The following KLK2 variants were observed in gnomAD, a reference collection of about 807,000 sequenced individuals.
The protein encoded by KLK2 is kallikrein-2.
In KLK2, 17 loss-of-function variants were observed where a neutral mutation model predicts 23.0. The ratio of observed to expected loss-of-function variants is 0.74; its 90% CI spans 0.51 to 1.11. The LOEUF (loss-of-function observed/expected upper bound fraction) is 1.11. KLK2 is among the 50% of genes least tolerant of loss of function. KLK2 has a pLI of 0.00. For missense variants in KLK2, 330 were observed against 325.9 expected (o/e 1.01, Z -0.10); for synonymous variants, 140 against 124.7 (o/e 1.12, Z -0.82).
At chr19:50,875,328 C>T (rs183666273) in intron 2 of KLK2, among the ~76,000 whole-genome samples, 11 of 152,250 alleles carry the variant, frequency 7.2e-5, no homozygotes, top group Admixed American at 5.9e-4. Context: ...GGGTGGGGAG[C>T]ACCCAGAAAA....
intron 1 of KLK2, 124 bp downstream of exon 1, chr19:50,873,643 T>C: frequency 1.5e-6 from 1 of 670,214 alleles, no homozygotes; most frequent in Non-Finnish European, 2.6e-6. Flanking sequence ...AATGTGCCCC[T>C]GACTCTTCCA....
rs1020860574 is a variant in KLK2 at position 50,879,627 on chromosome 19, G to A, written c.*1068G>A. 4 of 230,422 alleles carry A rather than the reference G, an allele frequency of 1.7e-5. No homozygotes were observed. Among genetic ancestry groups the A allele is most frequent in the African/African-American group, 4.4e-5 (2 of 45,164 alleles). 14.3% of individuals were successfully genotyped at this position (230,422 alleles called of 1,614,324 possible). A position where few individuals can be genotyped will look rare whatever the true frequency, so the allele number is the denominator to read the frequency against. ...GGTTTTTACTGGGGGTCTGTAGGAC[G>A]AGTATGGAGTACTTGAATAATTGAC... On this transcript the variant is annotated 3_prime_UTR_variant, in exon 5 of 5. Transcript: ENST00000325321.
chr19:50,876,137 C>T (rs1401606782), intron 2 of KLK2: 7 of 313,658 alleles, frequency 2.2e-5, no homozygotes, highest in South Asian at 5.1e-5. Context: ...GTTCTTTCTC[C>T]CTTCCTCTTC....
intron 4 of KLK2, 102 bp downstream of exon 4, chr19:50,877,110 C>T: frequency 2.0e-6 from 3 of 1,499,964 alleles, no homozygotes; most frequent in Non-Finnish European, 2.8e-6. Flanking sequence ...CTCCCCTGCT[C>T]CCCAGCTATA....
rs147719952 is a variant in KLK2 at position 50,876,544 on chromosome 19, C to T, written c.279C>T (p.Ser93=). The change falls in exon 3 of 5, where the codon AGC becomes AGT. Residue 93 remains serine, a synonymous_variant. Coordinates refer to ENST00000325321, the MANE Select transcript of KLK2 (RefSeq NM_005551.5). ...PEDTGQRVPV[S]HSFPHPLYNM... is the part of the protein sequence containing the mutation. ...ACACAGGCCAGAGGGTCCCTGTCAG[C>T]CACAGCTTCCCACACCCGCTCTACA... is the stretch of plus-strand genomic sequence containing the variant. 11 of 1,614,066 alleles carry T rather than the reference C, an allele frequency of 6.8e-6. No homozygotes were observed. In the African/African-American group the frequency reaches 9.3e-5, roughly 14 times the overall value.
chr19:50,879,663 C>A lies in KLK2; in HGVS notation c.*1104C>A. 1 of 230,542 alleles carries A rather than the reference C, an allele frequency of 4.3e-6. No homozygotes were observed. The highest frequency in any genetic ancestry group is 8.6e-6 in the Non-Finnish European group (1 of 116,342). 14.3% of individuals were successfully genotyped at this position (230,542 alleles called of 1,614,324 possible). A position where few individuals can be genotyped will look rare whatever the true frequency, so the allele number is the denominator to read the frequency against. Reference sequence around the variant, plus strand: ...ACTTGAATAATTGACCTGAAGTCCTCAGACCTGAGGTTCCCTAGAGTTCAA... The same window carrying A: ...ACTTGAATAATTGACCTGAAGTCCTAAGACCTGAGGTTCCCTAGAGTTCAA... On this transcript the variant is annotated 3_prime_UTR_variant, in exon 5 of 5. Coordinates refer to ENST00000325321, the MANE Select transcript of KLK2 (RefSeq NM_005551.5).
Position 50,878,802 on chromosome 19 carries a change from A to G in KLK2, c.*243A>G. ...GGTATAATTTCGTCCTCTCCTTCGG[A>G]ACACTGGCTGTCTCTGAAGACTTCT... On this transcript the variant is annotated 3_prime_UTR_variant, in exon 5 of 5. Transcript: ENST00000325321. The G allele has an allele frequency of 2.4e-6, 1 of 411,624 alleles. No individual in the cohort carries two copies. The highest frequency in any genetic ancestry group is 4.4e-6 in the Non-Finnish European group (1 of 226,892). 25.5% of individuals were successfully genotyped at this position (411,624 alleles called of 1,614,324 possible).
rs896673208 is a variant in KLK2 at position 50,880,083 on chromosome 19, T to A, written c.*1524T>A. 4.4e-6 allele frequency: 1 copy of A among 229,130 alleles called. No homozygotes were observed. The highest frequency in any genetic ancestry group is 2.2e-5 in the African/African-American group (1 of 45,090). The allele number at this position is 229,130 out of a possible 1,614,324, so 14.2% of individuals were successfully genotyped here. A position where few individuals can be genotyped will look rare whatever the true frequency, so the allele number is the denominator to read the frequency against. On this transcript the variant is annotated 3_prime_UTR_variant, in exon 5 of 5. Transcript: ENST00000325321. ...GCCCAAAGAGCATTCAATCATTGTT[T>A]TATTTGCCTTCTTTTCACACCATTG... is the stretch of plus-strand genomic sequence containing the variant.
chr19:50,874,917 G>T (rs750540080), intron 2 of KLK2, 37 bp downstream of exon 2: 1 of 1,602,512 alleles, frequency 6.2e-7, no homozygotes, highest in South Asian at 1.1e-5. Flanking sequence ...GGGAATGGCT[G>T]TGTCCCACAG....
In KLK2 at chr19:50,878,640, A is replaced by G; in HGVS notation, c.*81A>G. 7.1e-7 allele frequency: 1 copy of G among 1,405,882 alleles called. No individual in the cohort carries two copies. The highest frequency in any genetic ancestry group is 1.3e-5 in the South Asian group (1 of 77,746). 87.1% of individuals were successfully genotyped at this position (1,405,882 alleles called of 1,614,324 possible). ...ATCACTTGGCCTTTCTGGATGCTGG[A>G]CACCTGAAGCTTGGAACTCACCTGG... On this transcript the variant is annotated 3_prime_UTR_variant, in exon 5 of 5. Transcript: ENST00000325321.
rs1403474201 is a variant in KLK2, at chr19:50,878,563, C to T, written c.*4C>T. 1 of 1,610,910 alleles carries T rather than the reference C, an allele frequency of 6.2e-7. No individual in the cohort carries two copies. The highest frequency in any genetic ancestry group is 1.7e-5 in the Admixed American group (1 of 59,876). On this transcript the variant is annotated 3_prime_UTR_variant, in exon 5 of 5. Coordinates refer to ENST00000325321, the MANE Select transcript of KLK2 (RefSeq NM_005551.5). ...CACCATCGCAGCCAACCCCTGAGTGCCCCTGTCCCACCCCTACCTCTAGTA... is the reference window on the plus strand; with the variant it reads ...CACCATCGCAGCCAACCCCTGAGTGTCCCTGTCCCACCCCTACCTCTAGTA...
At position 50,876,714 on chromosome 19, in the gene KLK2, C is replaced by A. The variant is rs1007599673; in HGVS notation, c.449C>A (p.Thr150Asn). Residue 150 changes from threonine (T) to asparagine (N), a missense_variant, in exon 3 of 5, where the codon ACC (threonine) becomes AAC (asparagine). Thr to Asn is a moderately conservative substitution (Grantham distance 65). Coordinates refer to ENST00000325321, the MANE Select transcript of KLK2 (RefSeq NM_005551.5). Reference protein sequence around the residue: ...GLPTQEPALGTTCYASGWGSI... With the variant: ...GLPTQEPALGNTCYASGWGSI... ...CCCACCCAGGAGCCAGCACTGGGGA[C>A]CACCTGCTACGCCTCAGGCTGGGGC... 16 of 1,614,184 alleles carry A rather than the reference C, an allele frequency of 9.9e-6. No homozygotes were observed. The highest frequency in any genetic ancestry group is 4.5e-5 in the East Asian group (2 of 44,886).
chr19:50,876,529 G>GAC lies in KLK2; in HGVS notation c.265_266insCA (p.Arg89ThrfsTer16). ...TGTTTGAGCCTGAAGACACAGGCCA[G>GAC]AGGGTCCCTGTCAGCCACAGCTTCC... On this transcript the variant is annotated frameshift_variant, in exon 3 of 5. Coordinates refer to ENST00000325321, the MANE Select transcript of KLK2 (RefSeq NM_005551.5). LOFTEE classifies it high-confidence loss of function. The GAC allele has an allele frequency of 1.2e-6, 2 of 1,614,190 alleles. No individual in the cohort carries two copies.
intron 4 of KLK2, 133 bp downstream of exon 4, chr19:50,877,141 C>T: frequency 2.6e-6 from 3 of 1,145,534 alleles, no homozygotes; most frequent in South Asian, 2.8e-5. Flanking sequence ...CTCCCCATGC[C>T]TCATCTGCCG....
chr19:50,879,596 G>T lies in KLK2; in HGVS notation c.*1037G>T, dbSNP rs918415580. On this transcript the variant is annotated 3_prime_UTR_variant, in exon 5 of 5. Transcript: ENST00000325321. ...TGAGGAAGCTCACCTGATCCTTAGT[G>T]TCCAGGGTTTTTACTGGGGGTCTGT... is the stretch of plus-strand genomic sequence containing the variant. 4.3e-6 allele frequency: 1 copy of T among 230,536 alleles called. No homozygotes were observed. The highest frequency in any genetic ancestry group is 5.6e-5 in the Admixed American group (1 of 17,704). 14.3% of individuals were successfully genotyped at this position (230,536 alleles called of 1,614,324 possible).
Position 50,880,098 on chromosome 19 carries a change from T to A in KLK2, c.*1539T>A, listed in dbSNP as rs1405661917. 4.4e-6 allele frequency: 1 copy of A among 228,946 alleles called. No individual in the cohort carries two copies. Among genetic ancestry groups the A allele is most frequent in the Non-Finnish European group, 8.7e-6 (1 of 115,516 alleles). The allele number at this position is 228,946 out of a possible 1,614,324, so 14.2% of individuals were successfully genotyped here. On this transcript the variant is annotated 3_prime_UTR_variant, in exon 5 of 5. Coordinates refer to ENST00000325321, the MANE Select transcript of KLK2 (RefSeq NM_005551.5). ...AATCATTGTTTTATTTGCCTTCTTTTCACACCATTGGTGAGGGAGGGATTA... is the reference window on the plus strand; with the variant it reads ...AATCATTGTTTTATTTGCCTTCTTTACACACCATTGGTGAGGGAGGGATTA...
At position 50,876,734 on chromosome 19, in the gene KLK2, T is replaced by G. The variant is rs759003652; in HGVS notation, c.469T>G (p.Trp157Gly). 6.2e-7 allele frequency: 1 copy of G among 1,614,108 alleles called. No individual in the cohort carries two copies. Among genetic ancestry groups the G allele is most frequent in the Non-Finnish European group, 8.5e-7 (1 of 1,180,014 alleles). ...ALGTTCYASG[W>G]GSIEPEEFLR... Reference sequence around the variant, plus strand: ...GGGGACCACCTGCTACGCCTCAGGCTGGGGCAGCATCGAACCAGAGGAGTG... The same window carrying G: ...GGGGACCACCTGCTACGCCTCAGGCGGGGGCAGCATCGAACCAGAGGAGTG... The change falls in exon 3 of 5, where the codon TGG (tryptophan) becomes GGG (glycine). Residue 157 changes from tryptophan to glycine, a missense_variant. Physicochemically the swap from Trp to Gly is radical, Grantham distance 184. Coordinates refer to ENST00000325321, the MANE Select transcript of KLK2 (RefSeq NM_005551.5).
At chr19:50,876,396 C>A in intron 2 of KLK2, 76 bp from the exon 3 acceptor site, 3 of 1,324,400 alleles carry the variant, frequency 2.3e-6, no homozygotes, top group Non-Finnish European at 3.2e-6. Flanking sequence ...CCTTTGGAGT[C>A]TCCCTTATCC....
Position 50,876,586 on chromosome 19 carries a change from G to C in KLK2, c.321G>C (p.Lys107Asn). Residue 107 changes from lysine to asparagine, a missense_variant, in exon 3 of 5, where the codon AAG (lysine) becomes AAC (asparagine). By Grantham distance (94) the Lys-to-Asn change is moderately conservative. Coordinates refer to ENST00000325321, the MANE Select transcript of KLK2 (RefSeq NM_005551.5). ...PHPLYNMSLLKHQSLRPDEDS... is the reference protein window; with the variant it reads ...PHPLYNMSLLNHQSLRPDEDS... ...CGCTCTACAATATGAGCCTTCTGAA[G>C]CATCAAAGCCTTAGACCAGATGAAG... is the stretch of plus-strand genomic sequence containing the variant. 6.2e-7 allele frequency: 1 copy of C among 1,614,188 alleles called. No homozygotes were observed. The highest frequency in any genetic ancestry group is 8.5e-7 in the Non-Finnish European group (1 of 1,180,040).
Sources: allele counts gnomAD v4.1 joint callset (sites outside exome capture counted in the v4.1 genomes callset), GRCh38; gene constraint gnomAD v4.1.1; transcripts MANE v1.5; gene names NCBI Gene and HGNC (gene_info 2026-07-23, HGNC 2026-07-21).